SCLT1: variants seen among roughly 807,000 people sequenced by gnomAD.
SCLT1 encodes the protein sodium channel and clathrin linker 1.
A neutral mutation model predicts 112.8 loss-of-function variants in SCLT1; 78 were observed. That is an observed-to-expected ratio of 0.69 (90% CI 0.58 to 0.83). The LOEUF (loss-of-function observed/expected upper bound fraction) is 0.83, where lower values mean the gene tolerates loss of function less well. Ranked by LOEUF, SCLT1 falls within the 40% of genes least tolerant of loss-of-function variation. The probability of loss-of-function intolerance (pLI) is 0.00; values close to 1 mark genes in which losing one functional copy is unlikely to be tolerated. For missense variants in SCLT1, 747 were observed against 770.4 expected, an observed-to-expected ratio of 0.97 and a Z score of 0.36; for synonymous variants, 257 against 254.7, an observed-to-expected ratio of 1.01 and a Z score of -0.09.
intron 5 of SCLT1, among the ~76,000 whole-genome samples, chr4:129,004,886 A>C (rs1170136350): frequency 6.6e-6 from 1 of 151,620 alleles, no homozygotes; most frequent in Non-Finnish European, 1.5e-5. Context: ...CTAATTAAAA[A>C]ACTTACAAGT....
chr4:129,009,202 T>C (rs1744296204), intron 5 of SCLT1, among the ~76,000 whole-genome samples: 1 of 152,090 alleles, frequency 6.6e-6, no homozygotes, highest in Admixed American at 6.6e-5. Context: ...CTGGGTTAAA[T>C]GGCACTTCTG....
At chr4:129,089,989 G>A (rs1752700078) in intron 1 of SCLT1, among the ~76,000 whole-genome samples, 1 of 152,068 alleles carries the variant, frequency 6.6e-6, no homozygotes, top group Non-Finnish European at 1.5e-5. Context: ...TTCTGCACAT[G>A]TACCCCAGAA....
intron 2 of SCLT1, among the ~76,000 whole-genome samples, chr4:129,073,366 C>T (rs1190643473): frequency 1.3e-5 from 2 of 152,106 alleles, no homozygotes; most frequent in Non-Finnish European, 2.9e-5. Flanking sequence ...CTTACAAAAG[C>T]TACTTGGGAT....
intron 9 of SCLT1, among the ~76,000 whole-genome samples, chr4:128,973,230 C>T (rs1021173156): frequency 2.0e-5 from 3 of 152,148 alleles, no homozygotes; most frequent in Non-Finnish European, 2.9e-5. Flanking sequence ...TAATTGAACA[C>T]ACTGTATTGT....
At chr4:128,999,113 AG>A (rs901676111) in intron 7 of SCLT1, among the ~76,000 whole-genome samples, 3 of 152,000 alleles carry the variant, frequency 2.0e-5, no homozygotes, top group African/African-American at 7.2e-5. Context: ...CCACTTTGAA[AG>A]AGTGTAGAAT....
intron 14 of SCLT1, among the ~76,000 whole-genome samples, chr4:128,949,408 T>G (rs1738497949): frequency 6.6e-6 from 1 of 152,008 alleles, no homozygotes; most frequent in Admixed American, 6.5e-5. Flanking sequence ...CTTTAAGTTT[T>G]AGGGTACATG....
intron 2 of SCLT1, among the ~76,000 whole-genome samples, chr4:129,058,893 C>T (rs1749696830): frequency 6.6e-6 from 1 of 151,940 alleles, no homozygotes; most frequent in Admixed American, 6.6e-5. Context: ...ACAGGACTCC[C>T]TTTATCTTCC....
At chr4:129,045,402 C>T (rs536991287) in intron 2 of SCLT1, among the ~76,000 whole-genome samples, 83 of 152,054 alleles carry the variant, frequency 5.5e-4, no homozygotes, top group Non-Finnish European at 7.9e-4. Context: ...CTACAGCATT[C>T]GTAACATGAC....
chr4:129,051,824 C>T (rs1371357224), intron 2 of SCLT1, among the ~76,000 whole-genome samples: 1 of 152,164 alleles, frequency 6.6e-6, no homozygotes, highest in East Asian at 1.9e-4. Flanking sequence ...GGGAATGCTT[C>T]CAGTTGTTGC....
chr4:128,920,727 G>A (rs542657680), intron 18 of SCLT1, among the ~76,000 whole-genome samples: 1 of 152,294 alleles, frequency 6.6e-6, no homozygotes, highest in East Asian at 1.9e-4. Context: ...GCAAAAGCTG[G>A]AAGCATTCCC....
At chr4:128,916,335 T>C (rs906425991) in intron 18 of SCLT1, among the ~76,000 whole-genome samples, 8 of 152,244 alleles carry the variant, frequency 5.3e-5, no homozygotes, top group African/African-American at 1.9e-4. Flanking sequence ...CTACATGTTA[T>C]TTTTAACACA....
intron 4 of SCLT1, chr4:129,039,900 G>GCGCGCACA (rs1233253067): frequency 6.8e-4 from 149 of 219,024 alleles, no homozygotes; most frequent in African/African-American, 3.1e-3. Flanking sequence ...GTGCGCGCGC[G>GCGCGCACA]CACACACACA....
intron 2 of SCLT1, among the ~76,000 whole-genome samples, chr4:129,054,219 T>C (rs995230169): frequency 1.1e-4 from 16 of 152,184 alleles, no homozygotes; most frequent in African/African-American, 3.9e-4. Flanking sequence ...ATCTGATGAT[T>C]ATGTGTCTTG....
chr4:128,959,847 C>G, intron 11 of SCLT1, 70 bp from the exon 12 acceptor site: 1 of 1,153,176 alleles, frequency 8.7e-7, no homozygotes, highest in Non-Finnish European at 1.3e-6. Flanking sequence ...TACTGAGCAT[C>G]TACTACAGGA....
At chr4:129,092,713 A>T (rs1250662885) in intron 1 of SCLT1, among the ~76,000 whole-genome samples, 1 of 152,186 alleles carries the variant, frequency 6.6e-6, no homozygotes, top group Non-Finnish European at 1.5e-5. Context: ...TAGAAACAGG[A>T]GTTCAATAAA....
intron 2 of SCLT1, among the ~76,000 whole-genome samples, chr4:129,062,112 G>C (rs117672464): frequency 6.6e-6 from 1 of 152,132 alleles, no homozygotes; most frequent in Admixed American, 6.5e-5. Flanking sequence ...AGGCTGCTGA[G>C]ATCCTCCTGC....
chr4:129,078,825 T>C (rs960970733), intron 2 of SCLT1, among the ~76,000 whole-genome samples: 2 of 152,190 alleles, frequency 1.3e-5, no homozygotes, highest in African/African-American at 4.8e-5. Context: ...TACATAAGAC[T>C]GGGTGATTTA....
At chr4:128,950,930 C>A (rs886225467) in intron 14 of SCLT1, among the ~76,000 whole-genome samples, 1 of 152,012 alleles carries the variant, frequency 6.6e-6, no homozygotes. Context: ...CTGTTAGGTA[C>A]GTGTTGGTCT....
chr4:129,023,602 G>A (rs967069082), intron 5 of SCLT1, among the ~76,000 whole-genome samples: 4 of 152,220 alleles, frequency 2.6e-5, no homozygotes, highest in Admixed American at 6.5e-5. Context: ...AGCTCCCAGC[G>A]TGAGCAACGC....
Sources: allele counts gnomAD v4.1 joint callset (sites outside exome capture counted in the v4.1 genomes callset), GRCh38; gene constraint gnomAD v4.1.1; transcripts MANE v1.5; gene names NCBI Gene and HGNC (gene_info 2026-07-23, HGNC 2026-07-21).